ZNF429: variants seen among roughly 807,000 people sequenced by gnomAD.
The protein encoded by ZNF429 is zinc finger protein 429.
In ZNF429, 53 loss-of-function variants were observed where a neutral mutation model predicts 56.8. The ratio of observed to expected loss-of-function variants is 0.93; its 90% confidence interval spans 0.75 to 1.17. The LOEUF (loss-of-function observed/expected upper bound fraction) is 1.17, where lower values mean the gene tolerates loss of function less well. Among genes scored for constraint, ZNF429 ranks in the 50% most tolerant of loss-of-function variants. ZNF429 has a pLI of 0.00. For synonymous variants in ZNF429, 278 were observed against 264.7 expected, an observed-to-expected ratio of 1.05 and a Z score of -0.49; for missense variants, 849 against 788.4, an observed-to-expected ratio of 1.08 and a Z score of -0.92.
At chr19:21,521,118 T>A (rs529336726) in intron 1 of ZNF429, among the ~76,000 whole-genome samples, 24 of 152,356 alleles carry the variant, frequency 1.6e-4, no homozygotes, top group South Asian at 6.2e-4. Context: ...ACAAAATTGT[T>A]ACAGTAGATA....
At chr19:21,530,244 C>T in intron 2 of ZNF429, among the ~76,000 whole-genome samples, 4 of 150,474 alleles carry the variant, frequency 2.7e-5, no homozygotes, top group Admixed American at 2.6e-4. Flanking sequence ...AGAATTTCTT[C>T]AAGATGTTTT....
intron 1 of ZNF429, among the ~76,000 whole-genome samples, chr19:21,522,253 C>A (rs750119195): frequency 2.0e-4 from 31 of 152,224 alleles, no homozygotes; most frequent in Non-Finnish European, 2.9e-4. Context: ...CTATAACCCA[C>A]TGGCATGCAC....
At chr19:21,533,025 T>C in intron 3 of ZNF429, among the ~76,000 whole-genome samples, 2 of 150,898 alleles carry the variant, frequency 1.3e-5, no homozygotes, top group Non-Finnish European at 3.0e-5. Flanking sequence ...TTCTAAGTAT[T>C]TGAGAAACAT....
Position 21,505,924 on chromosome 19 carries a change from A to G in ZNF429, c.3+150A>G, listed in dbSNP as rs569454423. The stretch of plus-strand genomic sequence containing the variant: ...GCCCAGCTCGGCTTCAGTCCCCTTC[A>G]GCCATAAGATGGCGACTGTGCTGAC... On this transcript the variant is annotated intron_variant, in intron 1 of 3. Transcript: ENST00000358491. 7 of 802,126 alleles carry G rather than the reference A, an allele frequency of 8.7e-6. No homozygotes were observed. The African/African-American group carries it at 1.1e-4, about 12-fold the overall frequency. The allele number at this position is 802,126 out of a possible 1,614,324, so 49.7% of individuals were successfully genotyped here.
intron 1 of ZNF429, among the ~76,000 whole-genome samples, chr19:21,508,653 CAT>C: frequency 6.6e-6 from 1 of 151,006 alleles, no homozygotes; most frequent in East Asian, 1.9e-4. Flanking sequence ...TAAAAATTCT[CAT>C]GTACCTTTTT....
At position 21,536,431 on chromosome 19, in the gene ZNF429, CAAAGGAGGTTAT is replaced by C. The variant is rs1463113934; in HGVS notation, c.381_392del (p.Lys127_Tyr130del). The C allele has an allele frequency of 6.2e-7, 1 of 1,613,704 alleles. No individual in the cohort carries two copies. Among genetic ancestry groups the C allele is most frequent in the Non-Finnish European group, 8.5e-7 (1 of 1,179,852 alleles). ...AAACTGTAGGTGATTGTAAGCTATA[CAAAGGAGGTTAT>C]AATGGACTTAACCAATGTTTGACAC... On this transcript the variant is annotated inframe_deletion, in exon 4 of 4. Coordinates refer to ENST00000358491, the MANE Select transcript of ZNF429 (RefSeq NM_001001415.4).
In ZNF429 at chr19:21,538,728, A is replaced by G. The variant is rs966835717; in HGVS notation, c.*650A>G. 10 of 152,242 alleles carry G rather than the reference A, an allele frequency of 6.6e-5. No homozygotes were observed. Among genetic ancestry groups the G allele is most frequent in the African/African-American group, 2.4e-4 (10 of 41,466 alleles). 9.4% of individuals were successfully genotyped at this position (152,242 alleles called of 1,614,324 possible). On this transcript the variant is annotated 3_prime_UTR_variant, in exon 4 of 4. Transcript: ENST00000358491. ...TTGCATAGAAAAGCATTTATACCTG[A>G]AAAAAGGTATACAAATTTAAAAAAT...
chr19:21,514,119 G>T lies in ZNF429; in HGVS notation c.3+8345G>T, dbSNP rs113359420. On this transcript the variant is annotated intron_variant, in intron 1 of 3. Transcript: ENST00000358491. ...AAATAAATCAGTACAGCCCCACCTG[G>T]ACCATTATCTGTAGCACAAACCAGT... Among the ~76,000 whole-genome samples the T allele has an allele frequency of 9.9e-3, 1,511 of 152,226 alleles. 26 individuals are homozygous for T. Among genetic ancestry groups the T allele is most frequent in the African/African-American group, 0.034 (1,414 of 41,536 alleles).
intron 3 of ZNF429, 67 bp downstream of exon 3, chr19:21,530,751 C>A: frequency 8.7e-7 from 1 of 1,149,018 alleles, no homozygotes. Context: ...AAAGCCAGTC[C>A]TTAACAATGT....
intron 1 of ZNF429, among the ~76,000 whole-genome samples, chr19:21,517,661 A>G (rs369312367): frequency 0.091 from 9,742 of 106,972 alleles, no homozygotes; most frequent in Admixed American, 0.11. Context: ...GTATTGGGAG[A>G]ATGTATTTGC....
intron 1 of ZNF429, among the ~76,000 whole-genome samples, chr19:21,516,302 T>G (rs1168716065): frequency 6.6e-6 from 1 of 152,086 alleles, no homozygotes; most frequent in Non-Finnish European, 1.5e-5. Context: ...TTAGCCAGGA[T>G]GGCTTCAATC....
In ZNF429 at chr19:21,536,803, T is replaced by G; in HGVS notation, c.750T>G (p.Ile250Met). 3 of 1,613,852 alleles carry G rather than the reference T, an allele frequency of 1.9e-6. No homozygotes were observed. The highest frequency in any genetic ancestry group is 1.3e-5 in the African/African-American group (1 of 74,984). Residue 250 changes from isoleucine (I) to methionine (M), a missense_variant, in exon 4 of 4, where the codon ATT becomes ATG. Coordinates refer to ENST00000358491, the MANE Select transcript of ZNF429 (RefSeq NM_001001415.4). ...CAACCCTTACTAACCATAAGAGAAT[T>G]CATACTGGAGAGAAACCCTACAAAT... ...HYSTLTNHKR[I>M]HTGEKPYKCK...
intron 1 of ZNF429, among the ~76,000 whole-genome samples, chr19:21,526,511 C>A (rs1049942065): frequency 6.6e-5 from 10 of 152,112 alleles, no homozygotes; most frequent in African/African-American, 1.9e-4. Context: ...TGGCAAAAAC[C>A]AGAATTACAT....
chr19:21,525,297 GTA>G, intron 1 of ZNF429, among the ~76,000 whole-genome samples: 1 of 152,022 alleles, frequency 6.6e-6, no homozygotes, highest in African/African-American at 2.4e-5. Context: ...TTGCTTATTA[GTA>G]TATGTTATAA....
At chr19:21,532,872 AT>A in intron 3 of ZNF429, among the ~76,000 whole-genome samples, 1 of 151,806 alleles carries the variant, frequency 6.6e-6, no homozygotes, top group African/African-American at 2.4e-5. Context: ...CTAATTTTGT[AT>A]TTTTAGTAGA....
rs1331793895 is a variant in ZNF429, at chr19:21,538,503, G to C, written c.*425G>C. 1.3e-5 allele frequency: 2 copies of C among 153,318 alleles called. No homozygotes were observed. Among genetic ancestry groups the C allele is most frequent in the Non-Finnish European group, 2.9e-5 (2 of 69,186 alleles). 9.5% of individuals were successfully genotyped at this position (153,318 alleles called of 1,614,324 possible). On this transcript the variant is annotated 3_prime_UTR_variant, in exon 4 of 4. Coordinates refer to ENST00000358491, the MANE Select transcript of ZNF429 (RefSeq NM_001001415.4). ...TAGTCCTAGCTACTTGGGAGGCTGA[G>C]GCAGGAGAATTGCTTGAACCTGGGA...
chr19:21,523,390 A>T (rs144024012), intron 1 of ZNF429, among the ~76,000 whole-genome samples: 24 of 152,346 alleles, frequency 1.6e-4, no homozygotes, highest in African/African-American at 5.5e-4. Context: ...ATTTGCACCA[A>T]CCTAATAGTT....
rs772507718 is a variant in ZNF429 at position 21,537,570 on chromosome 19, A to G, written c.1517A>G (p.Glu506Gly). ...AGTCATAAAAAAATTCATAGTGGAG[A>G]GAAACCCTACAAATGTGAAGAATGT... ...LNSHKKIHSG[E>G]KPYKCEECGK... Residue 506 changes from glutamate (E) to glycine (G), a missense_variant, in exon 4 of 4, where the codon GAG becomes GGG. Transcript: ENST00000358491. The G allele has an allele frequency of 1.2e-5, 20 of 1,613,630 alleles. No homozygotes were observed. The highest frequency in any genetic ancestry group is 8.3e-5 in the Admixed American group (5 of 60,002).
intron 1 of ZNF429, among the ~76,000 whole-genome samples, chr19:21,519,320 C>T (rs1457056885): frequency 6.6e-6 from 1 of 152,116 alleles, no homozygotes; most frequent in African/African-American, 2.4e-5. Context: ...ACAAATTTTC[C>T]TTTCTCTTAT....
Sources: gnomAD v4.1 joint callset for allele counts (sites outside exome capture counted in the v4.1 genomes callset) on GRCh38, gnomAD v4.1.1 for gene constraint, MANE v1.5 for transcripts, NCBI Gene and HGNC (gene_info 2026-07-23, HGNC 2026-07-21) for gene names.